ARHGAP15: variants seen among roughly 807,000 people sequenced by gnomAD.
ARHGAP15 encodes the protein rho GTPase-activating protein 15.
A neutral mutation model predicts 63.7 loss-of-function variants in ARHGAP15; 51 were observed. The observed-to-expected ratio is 0.80, with a 90% CI of 0.64 to 1.01. The LOEUF is 1.01. ARHGAP15 is among the 50% of genes least tolerant of loss of function. The probability of loss-of-function intolerance (pLI) is 0.00; values close to 1 mark genes in which losing one functional copy is unlikely to be tolerated. For synonymous variants in ARHGAP15, 191 were observed against 193.8 expected, an observed-to-expected ratio of 0.99 and a Z score of 0.12; for missense variants, 560 against 564.6, an observed-to-expected ratio of 0.99 and a Z score of 0.08.
At chr2:143,599,621 C>T (rs530305442) in intron 11 of ARHGAP15, among the ~76,000 whole-genome samples, 83 of 152,098 alleles carry the variant, frequency 5.5e-4, no homozygotes, top group Non-Finnish European at 9.4e-4. Context: ...GAGAAAGAAA[C>T]GAAGCCATAA....
chr2:143,438,972 T>C lies in ARHGAP15; in HGVS notation c.703+1930T>C, dbSNP rs370644171. 9.9e-5 allele frequency among the ~76,000 whole-genome samples: 15 copies of C among 152,172 alleles called. No individual in the cohort carries two copies. The East Asian group carries it at 2.1e-3, about 21-fold the overall frequency. On this transcript the variant is annotated intron_variant, in intron 8 of 13. Transcript: ENST00000295095. ...AAATGTATTTGAGAAACATTGAGGA[T>C]AATGAATTCTCTATTAAGTAACAGT...
intron 6 of ARHGAP15, among the ~76,000 whole-genome samples, chr2:143,407,280 A>G (rs1688239239): frequency 6.6e-6 from 1 of 151,830 alleles, no homozygotes; most frequent in South Asian, 2.1e-4. Flanking sequence ...CATAAGCTCT[A>G]TTCATTAATG....
At chr2:143,746,831 A>G (rs1250632734) in intron 13 of ARHGAP15, among the ~76,000 whole-genome samples, 3 of 152,224 alleles carry the variant, frequency 2.0e-5, no homozygotes, top group Non-Finnish European at 4.4e-5. Context: ...TCTTCCTAGT[A>G]GAGACATGCT....
chr2:143,236,693 G>C (rs745796333), intron 5 of ARHGAP15: 1 of 152,112 alleles, frequency 6.6e-6, no homozygotes, highest in African/African-American at 2.4e-5. Flanking sequence ...AGGATGTATA[G>C]GATTTTGATG....
chr2:143,196,359 A>T (rs1178006326), intron 2 of ARHGAP15, among the ~76,000 whole-genome samples: 2 of 152,068 alleles, frequency 1.3e-5, no homozygotes, highest in Admixed American at 6.6e-5. Context: ...GGACGTGATA[A>T]TTCAATAGGA....
intron 6 of ARHGAP15, among the ~76,000 whole-genome samples, chr2:143,357,784 A>AT (rs1363383480): frequency 6.6e-6 from 1 of 152,232 alleles, no homozygotes; most frequent in Non-Finnish European, 1.5e-5. Flanking sequence ...AAAAAGATGA[A>AT]TTAAAAAGTC....
At chr2:143,550,171 C>A (rs1382432666) in intron 10 of ARHGAP15, among the ~76,000 whole-genome samples, 4 of 151,972 alleles carry the variant, frequency 2.6e-5, no homozygotes, top group African/African-American at 9.7e-5. Flanking sequence ...AGAGCAAAAG[C>A]AATTTACCTG....
At chr2:143,413,712 G>A (rs914028683) in intron 6 of ARHGAP15, among the ~76,000 whole-genome samples, 5 of 152,112 alleles carry the variant, frequency 3.3e-5, no homozygotes, top group Middle Eastern at 6.8e-3. Flanking sequence ...GGGCTCAAGC[G>A]ATCCTCCCAC....
In ARHGAP15 at chr2:143,190,643, G is replaced by A. The variant is rs554944355; in HGVS notation, c.166-11491G>A. Among the ~76,000 whole-genome samples, 4 of 152,236 alleles carry A rather than the reference G, an allele frequency of 2.6e-5. No homozygotes were observed. In the East Asian group the frequency reaches 7.7e-4, roughly 29 times the overall value. ...AGCCGTCAGCTGACTATTTGCAATG[G>A]GTGAGTAAGCCTGGGAGTCTAGCCT... On this transcript the variant is annotated intron_variant, in intron 2 of 13. Coordinates refer to ENST00000295095, the MANE Select transcript of ARHGAP15 (RefSeq NM_018460.4).
intron 8 of ARHGAP15, among the ~76,000 whole-genome samples, chr2:143,471,064 C>T (rs139680071): frequency 0.012 from 1,827 of 148,214 alleles, 31 homozygotes; most frequent in African/African-American, 0.043. Context: ...CATATATACA[C>T]ATATGATACA....
At chr2:143,555,657 A>G (rs1695756514) in intron 10 of ARHGAP15, among the ~76,000 whole-genome samples, 1 of 152,116 alleles carries the variant, frequency 6.6e-6, no homozygotes, top group Admixed American at 6.6e-5. Flanking sequence ...TGAATTACAG[A>G]TGACCAGTTC....
At chr2:143,390,358 A>G (rs149208143) in intron 6 of ARHGAP15, among the ~76,000 whole-genome samples, 4 of 152,228 alleles carry the variant, frequency 2.6e-5, no homozygotes, top group East Asian at 3.9e-4. Context: ...CAGGTTTTCC[A>G]GGTCATCTTA....
intron 6 of ARHGAP15, among the ~76,000 whole-genome samples, chr2:143,267,572 A>C (rs773769911): frequency 6.6e-6 from 1 of 152,330 alleles, no homozygotes; most frequent in Non-Finnish European, 1.5e-5. Context: ...GAAGGTGACA[A>C]AAATGAGGTA....
intron 6 of ARHGAP15, among the ~76,000 whole-genome samples, chr2:143,379,973 A>G (rs1015676067): frequency 8.5e-5 from 13 of 152,194 alleles, no homozygotes; most frequent in African/African-American, 2.9e-4. Context: ...CCATTTTTGT[A>G]TGTATCTACT....
At chr2:143,448,511 G>C (rs1412742001) in intron 8 of ARHGAP15, among the ~76,000 whole-genome samples, 4 of 152,026 alleles carry the variant, frequency 2.6e-5, no homozygotes, top group Non-Finnish European at 5.9e-5. Context: ...ACCATATGCT[G>C]CAGGTCCAAA....
intron 12 of ARHGAP15, among the ~76,000 whole-genome samples, chr2:143,627,907 G>A (rs999227818): frequency 2.6e-5 from 4 of 151,972 alleles, no homozygotes; most frequent in Non-Finnish European, 4.4e-5. Context: ...GCTGAGGTTT[G>A]AGGTACAAAT....
intron 11 of ARHGAP15, among the ~76,000 whole-genome samples, chr2:143,615,906 A>G (rs1471937169): frequency 3.9e-5 from 6 of 152,188 alleles, no homozygotes; most frequent in Non-Finnish European, 7.3e-5. Flanking sequence ...TGTGTACGGT[A>G]TCTATAGAGT....
At chr2:143,226,012 A>C (rs138404826) in intron 4 of ARHGAP15, among the ~76,000 whole-genome samples, 1 of 152,354 alleles carries the variant, frequency 6.6e-6, no homozygotes, top group East Asian at 1.9e-4. Context: ...TTCAGAGAAG[A>C]TAGACAGTGT....
At chr2:143,409,416 C>T (rs557542587) in intron 6 of ARHGAP15, among the ~76,000 whole-genome samples, 5 of 151,800 alleles carry the variant, frequency 3.3e-5, no homozygotes, top group East Asian at 1.9e-4. Context: ...GTGTTAATTC[C>T]GCAAGGGAAT....
Sources: allele counts gnomAD v4.1 joint callset (sites outside exome capture counted in the v4.1 genomes callset), GRCh38; gene constraint gnomAD v4.1.1; transcripts MANE v1.5; gene names NCBI Gene and HGNC (gene_info 2026-07-23, HGNC 2026-07-21).